SYNRG: variants seen among roughly 807,000 people sequenced by gnomAD.
SYNRG encodes the protein synergin gamma.
In SYNRG, 37 loss-of-function variants were observed where a neutral mutation model predicts 130.9. The observed-to-expected ratio is 0.28, with a 90% CI of 0.22 to 0.37. The LOEUF (loss-of-function observed/expected upper bound fraction) is 0.37, where lower values mean the gene tolerates loss of function less well. Ranked by LOEUF, SYNRG falls within the 10% of genes least tolerant of loss-of-function variation. The probability of loss-of-function intolerance (pLI) is 1.00; values close to 1 mark genes in which losing one functional copy is unlikely to be tolerated. For synonymous variants in SYNRG, 539 were observed against 568.1 expected (o/e 0.95, Z 0.73); for missense variants, 1,338 against 1,588.9 (o/e 0.84, Z 2.68).
chr17:37,583,600 A>G (rs1278625609), intron 6 of SYNRG, among the ~76,000 whole-genome samples: 1 of 152,216 alleles, frequency 6.6e-6, no homozygotes, highest in Non-Finnish European at 1.5e-5. Flanking sequence ...AGAAGATAGT[A>G]CTTTCTTGGC....
Position 37,538,336 on chromosome 17 carries a change from C to T in SYNRG, c.3505G>A (p.Glu1169Lys). ...TGAAAGAACATACCTAATAAATATT[C>T]CATGCCTTGAGCTGACTGAATTACT... ...TEVIQSAQGM[E>K]YLLGVVEVYR... Residue 1169 changes from glutamate (E) to lysine (K), a missense_variant, in exon 18 of 22, where the codon GAA (glutamate) becomes AAA (lysine). Glu to Lys is a moderately conservative substitution (Grantham distance 56, BLOSUM62 1). Around this residue, in one of 3 missense-constraint regions of SYNRG, gnomAD observed 1,146 missense variants for 1,342.3 expected, o/e 0.85. Coordinates refer to ENST00000612223, the MANE Select transcript of SYNRG (RefSeq NM_007247.6). 1.2e-6 allele frequency: 2 copies of T among 1,603,662 alleles called. No homozygotes were observed. Among genetic ancestry groups the T allele is most frequent in the Non-Finnish European group, 1.7e-6 (2 of 1,176,444 alleles).
rs569184677 is a variant in SYNRG at position 37,581,888 on chromosome 17, C to A, written c.589+2760G>T. Reference sequence around the variant, plus strand: ...CAAGAGATTCTCCTGCCTCAGCCTCCTGAATGGCTGGGATTACAGGCATGC... The same window carrying A: ...CAAGAGATTCTCCTGCCTCAGCCTCATGAATGGCTGGGATTACAGGCATGC... On this transcript the variant is annotated intron_variant, in intron 6 of 21. Transcript: ENST00000612223. 5.9e-5 allele frequency among the ~76,000 whole-genome samples: 9 copies of A among 152,124 alleles called. No individual in the cohort carries two copies. In the East Asian group the frequency reaches 1.2e-3, roughly 20 times the overall value.
rs538575906 is a variant in SYNRG, at chr17:37,608,585, T to A, written c.77+694A>T. ...AGGGCAGATTTGTTTAAGGGCTGAG[T>A]CTGGAAGCTTTGTTCTAATAAATGC... On this transcript the variant is annotated intron_variant, in intron 1 of 21. Coordinates refer to ENST00000612223, the MANE Select transcript of SYNRG (RefSeq NM_007247.6). 3.3e-5 allele frequency among the ~76,000 whole-genome samples: 5 copies of A among 152,274 alleles called. No homozygotes were observed. The East Asian group carries it at 9.6e-4, about 29-fold the overall frequency.
At position 37,570,742 on chromosome 17, in the gene SYNRG, G is replaced by A. The variant is rs774734031; in HGVS notation, c.1242C>T (p.Pro414=). 6.2e-7 allele frequency: 1 copy of A among 1,614,202 alleles called. No individual in the cohort carries two copies. Among genetic ancestry groups the A allele is most frequent in the Middle Eastern group, 1.6e-4 (1 of 6,062 alleles). ...CCATGACTGGCTGTCCAAGGCTGAG[G>A]GGCATGGAGCCCGCAGGACCTGAAG... ...VIPSGPAGSM[P]LSLGQPVMGI... is the part of the protein sequence containing the mutation. The change falls in exon 10 of 22, where the codon CCC becomes CCT. Residue 414 remains proline (P), a synonymous_variant. Coordinates refer to ENST00000612223, the MANE Select transcript of SYNRG (RefSeq NM_007247.6).
chr17:37,535,778 G>A (rs979941747), intron 19 of SYNRG, among the ~76,000 whole-genome samples: 1 of 152,118 alleles, frequency 6.6e-6, no homozygotes, highest in South Asian at 2.1e-4. Context: ...TTTTCCTTAG[G>A]TTCACTGGGC....
chr17:37,554,375 G>A (rs2058944879), intron 13 of SYNRG, among the ~76,000 whole-genome samples: 1 of 152,012 alleles, frequency 6.6e-6, no homozygotes, highest in Non-Finnish European at 1.5e-5. Context: ...AAGACTTTTT[G>A]TTCCCACAGC....
At chr17:37,596,036 T>C (rs1246699685) in intron 3 of SYNRG, among the ~76,000 whole-genome samples, 187 bp downstream of exon 3, 2 of 152,254 alleles carry the variant, frequency 1.3e-5, no homozygotes, top group Non-Finnish European at 1.5e-5. Flanking sequence ...ATTACAGGCA[T>C]GAGCCACTGC....
chr17:37,529,538 CAAAAAA>C lies in SYNRG; in HGVS notation c.3666+6435_3666+6440del, dbSNP rs3049513. Among the ~76,000 whole-genome samples the C allele has an allele frequency of 4.5e-3, 558 of 124,620 alleles. 9 individuals are homozygous for C. Among genetic ancestry groups the C allele is most frequent in the African/African-American group, 0.016 (518 of 32,016 alleles). 81.8% of individuals were successfully genotyped at this position (124,620 alleles called of 152,430 possible). A position where few individuals can be genotyped will look rare whatever the true frequency, so the allele number is the denominator to read the frequency against. On this transcript the variant is annotated intron_variant, in intron 19 of 21. Transcript: ENST00000612223. The stretch of plus-strand genomic sequence containing the variant: ...TTATTGTACATGTATATATATTTTA[CAAAAAA>C]AAAAAAAAAAAGAAAAGAAAAGGTG...
intron 3 of SYNRG, among the ~76,000 whole-genome samples, chr17:37,593,225 C>T (rs1236460641): frequency 6.6e-6 from 1 of 152,016 alleles, no homozygotes; most frequent in Non-Finnish European, 1.5e-5. Flanking sequence ...CCAGCCTGGC[C>T]AACACTATGA....
chr17:37,526,448 G>A (rs2055928618), intron 19 of SYNRG, among the ~76,000 whole-genome samples: 1 of 152,180 alleles, frequency 6.6e-6, no homozygotes, highest in South Asian at 2.1e-4. Flanking sequence ...TAAAGTTTTG[G>A]TATTTGCTTG....
intron 19 of SYNRG, among the ~76,000 whole-genome samples, chr17:37,522,156 C>CACACACACAA (rs1002250003): frequency 2.0e-5 from 3 of 151,758 alleles, no homozygotes; most frequent in Non-Finnish European, 4.4e-5. Context: ...CACACACACA[C>CACACACACAA]AATGGTTAAA....
chr17:37,579,429 G>A (rs1264885029), intron 6 of SYNRG: 3 of 1,302,600 alleles, frequency 2.3e-6, no homozygotes, highest in African/African-American at 3.0e-5. Context: ...GATGATGTGG[G>A]GCAATCTGCA....
intron 2 of SYNRG, 54 bp downstream of exon 2, chr17:37,600,309 A>C (rs188550169): frequency 1.4e-5 from 21 of 1,475,494 alleles, no homozygotes; most frequent in Admixed American, 6.7e-5. Context: ...TAATTCCCAG[A>C]TTCAGAAACA....
chr17:37,541,932 A>G (rs1210161488), intron 15 of SYNRG, 40 bp downstream of exon 15: 1 of 1,565,516 alleles, frequency 6.4e-7, no homozygotes, highest in African/African-American at 1.4e-5. Context: ...CTCAGTGGAA[A>G]AAAACCACAA....
At chr17:37,570,559 T>C (rs1220883019) in intron 10 of SYNRG, 78 bp downstream of exon 10, 1 of 1,510,706 alleles carries the variant, frequency 6.6e-7, no homozygotes, top group Non-Finnish European at 8.9e-7. Flanking sequence ...AGTAACCTAC[T>C]CTATGTATCC....
Position 37,586,461 on chromosome 17 carries a change from T to G in SYNRG, c.329A>C (p.Gln110Pro). The G allele has an allele frequency of 2.5e-6, 4 of 1,614,238 alleles. No homozygotes were observed. Among genetic ancestry groups the G allele is most frequent in the Non-Finnish European group, 3.4e-6 (4 of 1,180,044 alleles). Residue 110 changes from glutamine (Q) to proline (P), a missense_variant, in exon 4 of 22, where the codon CAG (glutamine) becomes CCG (proline). Transcript: ENST00000612223. ...PFLGMRPPGPQYTPDMQKQFA... is the reference protein window; with the variant it reads ...PFLGMRPPGPPYTPDMQKQFA... ...CTGCTTCTGCATGTCTGGAGTGTAC[T>G]GTGGGCCTGGAGGACGCATGCCCAG...
chr17:37,571,063 A>C (rs1384240460), intron 9 of SYNRG, among the ~76,000 whole-genome samples, 178 bp from the exon 10 acceptor site: 2 of 152,258 alleles, frequency 1.3e-5, no homozygotes, highest in East Asian at 3.8e-4. Context: ...CTAATACTTA[A>C]GAAAGAAATG....
rs2144921281 is a variant in SYNRG at position 37,542,657 on chromosome 17, T to C, written c.2609-92A>G. On this transcript the variant is annotated intron_variant, in intron 14 of 21. Transcript: ENST00000612223. ...GAAGCAAAATGCCTAGCATATTTGATTAGTTTTATACTATGTTGAAATTAG... is the reference window on the plus strand; with the variant it reads ...GAAGCAAAATGCCTAGCATATTTGACTAGTTTTATACTATGTTGAAATTAG... 6 of 919,820 alleles carry C rather than the reference T, an allele frequency of 6.5e-6. No individual in the cohort carries two copies. The East Asian group carries it at 1.5e-4, about 24-fold the overall frequency. The allele number at this position is 919,820 out of a possible 1,614,324, so 57.0% of individuals were successfully genotyped here.
intron 16 of SYNRG, among the ~76,000 whole-genome samples, chr17:37,539,750 C>T (rs2144781457): frequency 6.6e-6 from 1 of 152,362 alleles, no homozygotes; most frequent in Non-Finnish European, 1.5e-5. Flanking sequence ...ACCTGTGAGT[C>T]TAAGGGACAT....
Sources: allele counts gnomAD v4.1 joint callset (sites outside exome capture counted in the v4.1 genomes callset), GRCh38; gene constraint gnomAD v4.1.1; regional missense constraint gnomAD v4.1.1; transcripts MANE v1.5; gene names NCBI Gene and HGNC (gene_info 2026-07-23, HGNC 2026-07-21).